USP26: variants seen among roughly 807,000 people sequenced by gnomAD.
USP26 encodes ubiquitin specific peptidase 26, also known as ubiquitin carboxyl-terminal hydrolase 26.
For synonymous variants in USP26, 236 were observed against 240.6 expected (o/e 0.98, Z 0.18); for missense variants, 649 against 642.3 (o/e 1.01, Z -0.11).
At chrX:133,049,771 A>C (rs754918227) in intron 5 of USP26, among the ~76,000 whole-genome samples, 1 of 112,213 alleles carries the variant, frequency 8.9e-6, no homozygotes, top group Non-Finnish European at 1.9e-5. Context: ...AGGGAGTTAG[A>C]AATGAAGGCC....
intron 5 of USP26, among the ~76,000 whole-genome samples, chrX:133,041,208 A>G (rs2067418024): frequency 9.0e-6 from 1 of 110,971 alleles, no homozygotes; most frequent in African/African-American, 3.3e-5. Flanking sequence ...TGTCAGTCTC[A>G]TTCTCCATTT....
At chrX:133,038,229 C>T (rs994407045) in intron 5 of USP26, among the ~76,000 whole-genome samples, 2 of 111,390 alleles carry the variant, frequency 1.8e-5, no homozygotes, top group African/African-American at 3.3e-5. Context: ...AGAGGGCATC[C>T]TTGTCTTCTG....
intron 4 of USP26, among the ~76,000 whole-genome samples, chrX:133,084,418 C>T (rs2067581153): frequency 9.0e-6 from 1 of 110,949 alleles, no homozygotes; most frequent in Non-Finnish European, 1.9e-5. Context: ...AGGCTGGTCT[C>T]AAACTGCTGT....
intron 1 of USP26, among the ~76,000 whole-genome samples, chrX:133,096,253 C>G (rs1854438372): frequency 9.3e-6 from 1 of 107,821 alleles, no homozygotes; most frequent in African/African-American, 3.4e-5. Flanking sequence ...CTTTTAAAGG[C>G]AAATGAATGA....
intron 5 of USP26, among the ~76,000 whole-genome samples, chrX:133,046,649 G>C (rs2067441635): frequency 9.0e-6 from 1 of 111,411 alleles, no homozygotes; most frequent in African/African-American, 3.3e-5. Flanking sequence ...GAGAGAGAGA[G>C]AGAGAGAAAC....
At chrX:133,051,767 T>C (rs201623602) in intron 5 of USP26, among the ~76,000 whole-genome samples, 1 of 112,375 alleles carries the variant, frequency 8.9e-6, no homozygotes, top group East Asian at 2.8e-4. Context: ...TGGGGTTACA[T>C]GCAGTAAAAA....
At chrX:133,033,559 C>T (rs1257782354) in intron 5 of USP26, among the ~76,000 whole-genome samples, 1 of 112,208 alleles carries the variant, frequency 8.9e-6, no homozygotes, top group Admixed American at 9.5e-5. Flanking sequence ...AAACAGAATG[C>T]AAAGATTATT....
intron 5 of USP26, among the ~76,000 whole-genome samples, chrX:133,050,921 T>C: frequency 8.9e-6 from 1 of 112,260 alleles, no homozygotes; most frequent in East Asian, 2.8e-4. Flanking sequence ...TGAATTTTAT[T>C]TAATTTTTAA....
chrX:133,066,581 C>T (rs1167083956), intron 5 of USP26, among the ~76,000 whole-genome samples: 1 of 111,637 alleles, frequency 9.0e-6, no homozygotes, highest in East Asian at 2.8e-4. Context: ...ACATATACAA[C>T]TATCTGATCT....
Position 133,026,755 on chromosome X carries a change from G to C in USP26, c.1466C>G (p.Ala489Gly). The change falls in exon 6 of 6, where the codon GCA becomes GGA. Residue 489 changes from alanine to glycine, a missense_variant. By Grantham distance (60) the Ala-to-Gly change is moderately conservative. Coordinates refer to ENST00000511190, the MANE Select transcript of USP26 (RefSeq NM_031907.3). ...TGCACATTTATACTCAAGCTCTTCT[G>C]CTCCAAAAAAAAGATCAAAAGTAGA... ...IQSTFDLFFG[A>G]EELEYKCAKC... 1 of 1,210,421 alleles carries C rather than the reference G, an allele frequency of 8.3e-7. No individual in the cohort carries two copies.
At chrX:133,071,574 A>G (rs144224688) in intron 5 of USP26, among the ~76,000 whole-genome samples, 10 of 111,555 alleles carry the variant, frequency 9.0e-5, no homozygotes, top group African/African-American at 3.2e-4. Flanking sequence ...ACAATAAAGT[A>G]AAACAACCAT....
At chrX:133,059,808 C>A (rs1286775309) in intron 5 of USP26, among the ~76,000 whole-genome samples, 3 of 111,904 alleles carry the variant, frequency 2.7e-5, no homozygotes, top group Non-Finnish European at 5.6e-5. Flanking sequence ...TTACCTTCCA[C>A]TCTTCCTCTT....
intron 5 of USP26, among the ~76,000 whole-genome samples, chrX:133,034,193 A>C (rs1457962853): frequency 8.9e-6 from 1 of 111,952 alleles, no homozygotes; most frequent in Non-Finnish European, 1.9e-5. Flanking sequence ...AATAGCTATC[A>C]GAGGATAAAT....
intron 5 of USP26, among the ~76,000 whole-genome samples, chrX:133,029,090 G>A (rs1224972608): frequency 1.8e-5 from 2 of 112,438 alleles, no homozygotes; most frequent in Admixed American, 9.4e-5. Context: ...CTTAATTATT[G>A]AAAATCAGAA....
At chrX:133,062,212 G>A (rs2067496040) in intron 5 of USP26, among the ~76,000 whole-genome samples, 1 of 111,494 alleles carries the variant, frequency 9.0e-6, no homozygotes, top group South Asian at 3.8e-4. Flanking sequence ...CACTGGGCAG[G>A]GCATCTGTGA....
intron 5 of USP26, among the ~76,000 whole-genome samples, chrX:133,035,279 C>T (rs967048420): frequency 2.2e-4 from 25 of 112,315 alleles, no homozygotes; most frequent in African/African-American, 7.4e-4. Flanking sequence ...ACAAGAAAAT[C>T]ATCCAAAGGA....
chrX:133,037,136 C>T (rs776864640), intron 5 of USP26, among the ~76,000 whole-genome samples: 5 of 112,036 alleles, frequency 4.5e-5, no homozygotes, highest in Admixed American at 9.4e-5. Flanking sequence ...CCTGTTCACT[C>T]TGAGGATAAA....
At chrX:133,059,136 T>G (rs1435152005) in intron 5 of USP26, among the ~76,000 whole-genome samples, 3 of 111,568 alleles carry the variant, frequency 2.7e-5, no homozygotes, top group Non-Finnish European at 5.6e-5. Context: ...CCTCCATTTC[T>G]GCCATCTCTG....
intron 1 of USP26, among the ~76,000 whole-genome samples, chrX:133,092,640 G>A (rs2067611878): frequency 9.0e-6 from 1 of 111,664 alleles, no homozygotes; most frequent in East Asian, 2.8e-4. Flanking sequence ...GGATTCTATG[G>A]GCGAAGTGGA....
Sources: gnomAD v4.1 joint callset for allele counts (sites outside exome capture counted in the v4.1 genomes callset) on GRCh38, gnomAD v4.1.1 for gene constraint, MANE v1.5 for transcripts, NCBI Gene and HGNC (gene_info 2026-07-23, HGNC 2026-07-21) for gene names.